ZNF708: variants seen among roughly 807,000 people sequenced by gnomAD.
ZNF708 encodes ZNF15, ZNF15L1.
ZNF708 carries 44 observed loss-of-function variants against 47.0 expected under a neutral mutation model. That is an observed-to-expected ratio of 0.94 (90% CI 0.74 to 1.20). The LOEUF is 1.20. Ranked by LOEUF, ZNF708 falls within the 50% of genes most tolerant of loss-of-function variation. The probability of loss-of-function intolerance (pLI) is 0.00; values close to 1 mark genes in which losing one functional copy is unlikely to be tolerated. For synonymous variants in ZNF708, 184 were observed against 218.5 expected (o/e 0.84, Z 1.39); for missense variants, 557 against 656.0 (o/e 0.85, Z 1.65).
intron 1 of ZNF708, among the ~76,000 whole-genome samples, chr19:21,321,996 T>A (rs1247440846): frequency 2.0e-5 from 3 of 152,006 alleles, no homozygotes; most frequent in Non-Finnish European, 4.4e-5. Flanking sequence ...TACAGGCAGG[T>A]GAGATTATGA....
intron 1 of ZNF708, among the ~76,000 whole-genome samples, chr19:21,316,624 GC>G (rs1207440053): frequency 6.6e-6 from 1 of 152,072 alleles, no homozygotes; most frequent in East Asian, 1.9e-4. Flanking sequence ...GGGTTTTTGG[GC>G]CCCATGGTCT....
In ZNF708 at chr19:21,292,722, T is replaced by G. The variant is rs1303035026; in HGVS notation, c.*552A>C. The G allele has an allele frequency of 6.5e-6, 1 of 152,818 alleles. No homozygotes were observed. The highest frequency in any genetic ancestry group is 1.9e-4 in the East Asian group (1 of 5,192). The allele number at this position is 152,818 out of a possible 1,614,324, so 9.5% of individuals were successfully genotyped here. A position where few individuals can be genotyped will look rare whatever the true frequency, so the allele number is the denominator to read the frequency against. ...TTAAATTTATAATACTTTTTTTAAG[T>G]ACTCTCTGATGTTGAGTAAGATGTG... On this transcript the variant is annotated 3_prime_UTR_variant, in exon 4 of 4. Transcript: ENST00000356929.
chr19:21,313,843 G>A (rs931026378), intron 1 of ZNF708, among the ~76,000 whole-genome samples: 1 of 151,442 alleles, frequency 6.6e-6, no homozygotes, highest in African/African-American at 2.4e-5. Flanking sequence ...GTAGTTTTGA[G>A]GAATTTTTAC....
intron 3 of ZNF708, among the ~76,000 whole-genome samples, 182 bp downstream of exon 3, chr19:21,309,064 T>C (rs1304790724): frequency 6.6e-6 from 1 of 152,150 alleles, no homozygotes; most frequent in African/African-American, 2.4e-5. Context: ...GAAGGGAAAG[T>C]AGAATTTTTA....
At chr19:21,324,305 C>T (rs938137485) in intron 1 of ZNF708, among the ~76,000 whole-genome samples, 4 of 152,082 alleles carry the variant, frequency 2.6e-5, no homozygotes, top group Admixed American at 1.3e-4. Flanking sequence ...CAGTGGCTTA[C>T]GCCTGTAATC....
Position 21,294,297 on chromosome 19 carries a change from G to C in ZNF708, c.669C>G (p.Pro223=), listed in dbSNP as rs1201089133. Residue 223 remains proline, a synonymous_variant, in exon 4 of 4, where the codon CCC becomes CCG. Coordinates refer to ENST00000356929, the MANE Select transcript of ZNF708 (RefSeq NM_021269.3). Reference sequence around the variant, plus strand: ...CTTTTCCACATTCTTCACATTTGTAGGGTTTCTCTCCAGTATGAATTATCT... The same window carrying C: ...CTTTTCCACATTCTTCACATTTGTACGGTTTCTCTCCAGTATGAATTATCT... ...NHKIIHTGEK[P]YKCEECGKAF... 6.2e-7 allele frequency: 1 copy of C among 1,612,930 alleles called. No individual in the cohort carries two copies. Among genetic ancestry groups the C allele is most frequent in the South Asian group, 1.1e-5 (1 of 91,054 alleles).
intron 1 of ZNF708, among the ~76,000 whole-genome samples, chr19:21,327,114 T>A (rs1009163125): frequency 6.6e-6 from 1 of 152,172 alleles, no homozygotes; most frequent in Admixed American, 6.5e-5. Flanking sequence ...TCTGTTAATA[T>A]TTTCTTACCT....
chr19:21,296,534 T>G (rs1045139703), intron 3 of ZNF708, among the ~76,000 whole-genome samples: 1 of 151,754 alleles, frequency 6.6e-6, no homozygotes, highest in African/African-American at 2.4e-5. Context: ...AAAAAAGAAC[T>G]GTCCAACTGA....
intron 1 of ZNF708, among the ~76,000 whole-genome samples, chr19:21,328,477 G>A (rs1174077984): frequency 1.3e-5 from 2 of 152,148 alleles, no homozygotes; most frequent in African/African-American, 4.8e-5. Context: ...AGTTAGGCTG[G>A]AGGAATGGGG....
At chr19:21,320,698 A>C (rs980969527) in intron 1 of ZNF708, among the ~76,000 whole-genome samples, 42 of 150,586 alleles carry the variant, frequency 2.8e-4, no homozygotes, top group African/African-American at 8.3e-4. Flanking sequence ...GTCTCCAAAG[A>C]AAAATAAAAT....
chr19:21,293,892 A>G lies in ZNF708; in HGVS notation c.1074T>C (p.His358=), dbSNP rs1298508910. 2 of 1,613,496 alleles carry G rather than the reference A, an allele frequency of 1.2e-6. No individual in the cohort carries two copies. The highest frequency in any genetic ancestry group is 1.3e-5 in the African/African-American group (1 of 75,008). The change falls in exon 4 of 4, where the codon CAT becomes CAC. Residue 358 remains histidine (H), a synonymous_variant. Coordinates refer to ENST00000356929, the MANE Select transcript of ZNF708 (RefSeq NM_021269.3). The stretch of plus-strand genomic sequence containing the variant: ...CACATTTGTAGGGTTTCTCTTCAGT[A>G]TGAATTATCTTATGTTTAGTAAGGG... ...FSTLTKHKII[H]TEEKPYKCEE...
chr19:21,304,303 G>C (rs1972718251), intron 3 of ZNF708, among the ~76,000 whole-genome samples: 1 of 150,166 alleles, frequency 6.7e-6, no homozygotes. Context: ...TGAATCAATA[G>C]AGCGTAACCT....
rs907964123 is a variant in ZNF708, at chr19:21,293,879, G to A, written c.1087C>T (p.Pro363Ser). The stretch of plus-strand genomic sequence containing the variant: ...TTGCCACATTCTTCACATTTGTAGG[G>A]TTTCTCTTCAGTATGAATTATCTTA... Reference protein sequence around the residue: ...KHKIIHTEEKPYKCEECGKAF... With the variant: ...KHKIIHTEEKSYKCEECGKAF... The change falls in exon 4 of 4, where the codon CCC becomes TCC. Residue 363 changes from proline (P) to serine (S), a missense_variant. Physicochemically the swap from Pro to Ser is moderately conservative, Grantham distance 74. Coordinates refer to ENST00000356929, the MANE Select transcript of ZNF708 (RefSeq NM_021269.3). 6.2e-7 allele frequency: 1 copy of A among 1,613,172 alleles called. No homozygotes were observed. The highest frequency in any genetic ancestry group is 8.5e-7 in the Non-Finnish European group (1 of 1,179,796).
intron 1 of ZNF708, among the ~76,000 whole-genome samples, chr19:21,326,750 G>A (rs1036306062): frequency 2.0e-5 from 3 of 152,040 alleles, no homozygotes; most frequent in Non-Finnish European, 4.4e-5. Flanking sequence ...GGCCAACATG[G>A]AGAAACCCCG....
rs574585879 is a variant in ZNF708 at position 21,308,443 on chromosome 19, C to T, written c.226+803G>A. 3.3e-5 allele frequency among the ~76,000 whole-genome samples: 5 copies of T among 152,214 alleles called. No individual in the cohort carries two copies. The East Asian group carries it at 9.6e-4, about 29-fold the overall frequency. On this transcript the variant is annotated intron_variant, in intron 3 of 3. Transcript: ENST00000356929. ...TACAGGCATGCACCACCACACCTGG[C>T]TAATTTTGTATTTTTAGTGGACACG... is the stretch of plus-strand genomic sequence containing the variant.
At chr19:21,299,765 T>C (rs1972616104) in intron 3 of ZNF708, among the ~76,000 whole-genome samples, 1 of 141,394 alleles carries the variant, frequency 7.1e-6, no homozygotes, top group Admixed American at 7.1e-5. Context: ...ACAGTGAGAC[T>C]CCATCTCAAA....
intron 1 of ZNF708, among the ~76,000 whole-genome samples, chr19:21,313,397 C>CTTATTTAGATA (rs1972940278): frequency 6.6e-6 from 1 of 151,794 alleles, no homozygotes; most frequent in Admixed American, 6.6e-5. Context: ...TTAATAATTA[C>CTTATTTAGATA]CAGGATTTAG....
chr19:21,309,204 G>C (rs376869459), intron 3 of ZNF708, 42 bp downstream of exon 3: 1 of 1,504,050 alleles, frequency 6.6e-7, no homozygotes, highest in Non-Finnish European at 9.0e-7. Context: ...TTTACCTTTG[G>C]ACCTCACATC....
chr19:21,294,620 C>T lies in ZNF708; in HGVS notation c.346G>A (p.Asp116Asn). 1 of 1,614,136 alleles carries T rather than the reference C, an allele frequency of 6.2e-7. No homozygotes were observed. Reference protein sequence around the residue: ...CGYQKGCKSVDEHKLHKGGHK... With the variant: ...CGYQKGCKSVNEHKLHKGGHK... ...CCTCCTTTGTGCAACTTATGCTCATCCACACTTTTACAGCCTTTCTGATAT... is the reference window on the plus strand; with the variant it reads ...CCTCCTTTGTGCAACTTATGCTCATTCACACTTTTACAGCCTTTCTGATAT... The change falls in exon 4 of 4, where the codon GAT becomes AAT. Residue 116 changes from aspartate (D) to asparagine (N), a missense_variant. Physicochemically the swap from Asp to Asn is conservative, Grantham distance 23. Coordinates refer to ENST00000356929, the MANE Select transcript of ZNF708 (RefSeq NM_021269.3).
Sources: gnomAD v4.1 joint callset for allele counts (sites outside exome capture counted in the v4.1 genomes callset) on GRCh38, gnomAD v4.1.1 for gene constraint, MANE v1.5 for transcripts, NCBI Gene and HGNC (gene_info 2026-07-23, HGNC 2026-07-21) for gene names.